DAAM1: variants seen among roughly 807,000 people sequenced by gnomAD.
DAAM1 encodes the protein dishevelled associated activator of morphogenesis 1.
DAAM1 carries 52 observed loss-of-function variants against 130.0 expected under a neutral mutation model. The observed-to-expected ratio is 0.40, with a 90% CI of 0.32 to 0.50. The LOEUF (loss-of-function observed/expected upper bound fraction) is 0.50. Ranked by LOEUF, DAAM1 falls within the 20% of genes least tolerant of loss-of-function variation. The probability of loss-of-function intolerance (pLI) is 0.61; values close to 1 mark genes in which losing one functional copy is unlikely to be tolerated. For synonymous variants in DAAM1, 452 were observed against 444.5 expected, an observed-to-expected ratio of 1.02 and a Z score of -0.21; for missense variants, 1,134 against 1,303.8, an observed-to-expected ratio of 0.87 and a Z score of 2.01.
intron 3 of DAAM1, among the ~76,000 whole-genome samples, chr14:59,295,231 C>A (rs1213085011): frequency 6.6e-6 from 1 of 152,148 alleles, no homozygotes; most frequent in Admixed American, 6.5e-5. Context: ...TATTACATTT[C>A]TGTATGTGTT....
chr14:59,304,878 G>A (rs1431404690), intron 3 of DAAM1, among the ~76,000 whole-genome samples: 3 of 152,130 alleles, frequency 2.0e-5, no homozygotes, highest in African/African-American at 7.2e-5. Flanking sequence ...TGTTACCCCT[G>A]ATTCTCCTTT....
At chr14:59,303,037 G>A (rs991048670) in intron 3 of DAAM1, among the ~76,000 whole-genome samples, 1 of 152,202 alleles carries the variant, frequency 6.6e-6, no homozygotes. Context: ...GCCAAGGTAG[G>A]AGTCCGTGAC....
chr14:59,237,741 A>G (rs558288794), intron 1 of DAAM1, among the ~76,000 whole-genome samples: 1 of 152,236 alleles, frequency 6.6e-6, no homozygotes, highest in Non-Finnish European at 1.5e-5. Flanking sequence ...TCTTCTCCCT[A>G]CTTTCCACAG....
At chr14:59,359,580 A>G in intron 21 of DAAM1, 76 bp downstream of exon 21, 2 of 1,052,116 alleles carry the variant, frequency 1.9e-6, no homozygotes, top group Non-Finnish European at 2.9e-6. Context: ...TTTGCACTGC[A>G]TGAAGTCAGT....
rs1244526129 is a variant in DAAM1 at position 59,369,789 on chromosome 14, CCT to C, written c.*931_*932del. On this transcript the variant is annotated 3_prime_UTR_variant, in exon 25 of 25. Coordinates refer to ENST00000360909, the MANE Select transcript of DAAM1 (RefSeq NM_001270520.2). Reference sequence around the variant, plus strand: ...AAAAAAAAAAAAAATTAATGGGGTGCCTTTTTGTTATAGTTTCTATTTTCTGT... The same window carrying C: ...AAAAAAAAAAAAAATTAATGGGGTGCTTTTGTTATAGTTTCTATTTTCTGT... The C allele has an allele frequency of 7.0e-6, 1 of 143,466 alleles. No homozygotes were observed. Among genetic ancestry groups the C allele is most frequent in the Non-Finnish European group, 1.5e-5 (1 of 66,272 alleles). 8.9% of individuals were successfully genotyped at this position (143,466 alleles called of 1,614,324 possible). A position where few individuals can be genotyped will look rare whatever the true frequency, so the allele number is the denominator to read the frequency against.
chr14:59,261,726 G>A (rs750261019), intron 1 of DAAM1, among the ~76,000 whole-genome samples: 2 of 152,148 alleles, frequency 1.3e-5, no homozygotes, highest in Admixed American at 6.5e-5. Flanking sequence ...ACTTATTTAC[G>A]TAGTAGTGTT....
intron 3 of DAAM1, among the ~76,000 whole-genome samples, chr14:59,294,695 A>G (rs902439846): frequency 2.0e-5 from 3 of 152,184 alleles, no homozygotes; most frequent in African/African-American, 7.2e-5. Flanking sequence ...CAATCACAAC[A>G]TACTCTTTTG....
At chr14:59,229,587 A>G (rs1442256219) in intron 1 of DAAM1, among the ~76,000 whole-genome samples, 1 of 152,072 alleles carries the variant, frequency 6.6e-6, no homozygotes, top group African/African-American at 2.4e-5. Context: ...TATTTATTCT[A>G]CTCTCATTTT....
At chr14:59,250,563 AGAAGGCT>A (rs1881590320) in intron 1 of DAAM1, among the ~76,000 whole-genome samples, 2 of 152,214 alleles carry the variant, frequency 1.3e-5, no homozygotes, top group Non-Finnish European at 2.9e-5. Flanking sequence ...GGGGTTATTG[AGAAGGCT>A]TGCAAACATC....
chr14:59,352,512 T>C lies in DAAM1; in HGVS notation c.2161-14T>C. On this transcript the variant is annotated splice_polypyrimidine_tract_variant and intron_variant, in intron 17 of 24. Coordinates refer to ENST00000360909, the MANE Select transcript of DAAM1 (RefSeq NM_001270520.2). ...TGATAAACCTCAGTTTTAATATTCGTGTGTACTTTTCAGCTCTTGAAATTT... is the reference window on the plus strand; with the variant it reads ...TGATAAACCTCAGTTTTAATATTCGCGTGTACTTTTCAGCTCTTGAAATTT... 1 of 1,598,920 alleles carries C rather than the reference T, an allele frequency of 6.3e-7. No homozygotes were observed. The highest frequency in any genetic ancestry group is 8.6e-7 in the Non-Finnish European group (1 of 1,169,114).
At chr14:59,242,982 C>T (rs1881196523) in intron 1 of DAAM1, among the ~76,000 whole-genome samples, 1 of 152,144 alleles carries the variant, frequency 6.6e-6, no homozygotes, top group African/African-American at 2.4e-5. Flanking sequence ...AAGTTCAAAG[C>T]ACTTTCATAT....
intron 20 of DAAM1, among the ~76,000 whole-genome samples, chr14:59,358,992 A>G (rs1489785968): frequency 6.6e-6 from 1 of 152,154 alleles, no homozygotes; most frequent in Non-Finnish European, 1.5e-5. Flanking sequence ...ATAAACCTGC[A>G]GGGCACACCC....
intron 2 of DAAM1, among the ~76,000 whole-genome samples, chr14:59,286,603 C>T (rs1242905552): frequency 1.3e-5 from 2 of 152,010 alleles, no homozygotes; most frequent in Admixed American, 6.6e-5. Flanking sequence ...GGTAACATTA[C>T]AACTGACCCC....
chr14:59,287,779 A>G (rs1348423033), intron 2 of DAAM1, among the ~76,000 whole-genome samples: 1 of 152,214 alleles, frequency 6.6e-6, no homozygotes, highest in Non-Finnish European at 1.5e-5. Flanking sequence ...AGGCAACATA[A>G]ACAAATGGAA....
chr14:59,204,687 A>G (rs999710269), intron 1 of DAAM1, among the ~76,000 whole-genome samples: 3 of 152,218 alleles, frequency 2.0e-5, no homozygotes, highest in Admixed American at 1.3e-4. Flanking sequence ...ACGTACATTT[A>G]TGCCATTATA....
At chr14:59,351,564 G>C (rs1886294339) in intron 17 of DAAM1, among the ~76,000 whole-genome samples, 1 of 152,196 alleles carries the variant, frequency 6.6e-6, no homozygotes, top group South Asian at 2.1e-4. Context: ...TGCCTGGAAT[G>C]TATTCCAGCC....
rs543129268 is a variant in DAAM1, at chr14:59,204,727, A to G, written c.-38+15959A>G. The stretch of plus-strand genomic sequence containing the variant: ...TGATGATTATTAAAATGAAAACACA[A>G]CATCCAAAAAATCATCAGAATGGGG... On this transcript the variant is annotated intron_variant, in intron 1 of 24. Transcript: ENST00000360909. 3.3e-5 allele frequency among the ~76,000 whole-genome samples: 5 copies of G among 152,322 alleles called. No individual in the cohort carries two copies. In the South Asian group the frequency reaches 1.0e-3, roughly 32 times the overall value.
intron 9 of DAAM1, 42 bp downstream of exon 9, chr14:59,325,772 A>G (rs2139624313): frequency 5.6e-6 from 9 of 1,606,764 alleles, no homozygotes; most frequent in Non-Finnish European, 7.7e-6. Flanking sequence ...TCATCAGTTC[A>G]CATTATTTCT....
At chr14:59,261,223 C>T (rs34707631) in intron 1 of DAAM1, among the ~76,000 whole-genome samples, 33,304 of 152,070 alleles carry the variant, frequency 0.22, 3,772 homozygotes, top group East Asian at 0.32. Flanking sequence ...GTCAAAACTC[C>T]ACTCATCCAT....
Sources: gnomAD v4.1 joint callset for allele counts (sites outside exome capture counted in the v4.1 genomes callset) on GRCh38, gnomAD v4.1.1 for gene constraint, MANE v1.5 for transcripts, NCBI Gene and HGNC (gene_info 2026-07-23, HGNC 2026-07-21) for gene names.